Variants in CIMAP1D observed in about 807,000 individuals in gnomAD.
The protein encoded by CIMAP1D is protein CIMAP1D.
chr19:474,576 T>C, the CIMAP1D span: 1 of 1,441,672 alleles, frequency 6.9e-7, no homozygotes, highest in Non-Finnish European at 9.2e-7. Flanking sequence ...GTATGGGGAG[T>C]GGAGCAGGAA....
the CIMAP1D span, chr19:463,510 G>C: frequency 2.4e-4 from 91 of 387,062 alleles, no homozygotes; most frequent in African/African-American, 1.9e-3. Flanking sequence ...GGAGCTGGAC[G>C]CCGAGTTCTG....
chr19:479,529 C>T, the CIMAP1D span, among the ~76,000 whole-genome samples: 2 of 151,920 alleles, frequency 1.3e-5, no homozygotes, highest in African/African-American at 4.8e-5. Context: ...CTCAGCCTCT[C>T]GCGTAGCTGG....
chr19:486,136 C>A, the CIMAP1D span, among the ~76,000 whole-genome samples: 720 of 152,348 alleles, frequency 4.7e-3, 3 homozygotes, highest in Middle Eastern at 0.037. Flanking sequence ...CCAGCCCATG[C>A]CTGGCAAGTC....
the CIMAP1D span, among the ~76,000 whole-genome samples, chr19:473,316 T>C: frequency 0.024 from 223 of 9,484 alleles, 1 homozygote; most frequent in African/African-American, 0.043. Flanking sequence ...CAGAGATACA[T>C]GGTCACAGAT....
the CIMAP1D span, chr19:467,544 A>G: frequency 2.5e-6 from 2 of 815,704 alleles, no homozygotes; most frequent in African/African-American, 3.4e-5. Flanking sequence ...AAGACTCTGC[A>G]TTCTAAGAAC....
At chr19:488,381 G>T in the CIMAP1D span, among the ~76,000 whole-genome samples, 2 of 152,146 alleles carry the variant, frequency 1.3e-5, no homozygotes, top group African/African-American at 4.8e-5. Flanking sequence ...AATTAGCCGG[G>T]CGTGGTGGCA....
chr19:479,091 C>T, the CIMAP1D span, among the ~76,000 whole-genome samples: 1 of 152,182 alleles, frequency 6.6e-6, no homozygotes, highest in Middle Eastern at 3.2e-3. Flanking sequence ...CAGTATACCA[C>T]TGGGGGGCTA....
At chr19:467,659 G>C in the CIMAP1D span, 23 of 1,610,970 alleles carry the variant, frequency 1.4e-5, no homozygotes, top group African/African-American at 3.1e-4. Flanking sequence ...CCCGAGACTT[G>C]GCCCGGCCCT....
chr19:464,890 TGATGGATG>T, the CIMAP1D span, among the ~76,000 whole-genome samples: 30 of 148,306 alleles, frequency 2.0e-4, no homozygotes, highest in Admixed American at 1.0e-3. Flanking sequence ...GATGAGTGGA[TGATGGATG>T]GATGGATGGA....
chr19:467,097 G>T, the CIMAP1D span, among the ~76,000 whole-genome samples: 1 of 122,594 alleles, frequency 8.2e-6, no homozygotes, highest in African/African-American at 3.4e-5. Flanking sequence ...GGATGGACGG[G>T]TGGATAGATA....
chr19:471,198 G>C, the CIMAP1D span, among the ~76,000 whole-genome samples: 1 of 152,286 alleles, frequency 6.6e-6, no homozygotes, highest in South Asian at 2.1e-4. Context: ...GCCCAGGCTG[G>C]AGTGCAATGG....
the CIMAP1D span, among the ~76,000 whole-genome samples, chr19:471,982 G>C: frequency 1.3e-5 from 2 of 152,154 alleles, no homozygotes; most frequent in Non-Finnish European, 2.9e-5. Flanking sequence ...TCCTGACCTC[G>C]TGATCCGCCT....
the CIMAP1D span, chr19:489,867 C>A: frequency 2.6e-6 from 1 of 382,366 alleles, no homozygotes; most frequent in Non-Finnish European, 4.6e-6. Context: ...GGCCTGCAGG[C>A]GAGAACCCTC....
At chr19:490,033 G>A in the CIMAP1D span, 3 of 398,460 alleles carry the variant, frequency 7.5e-6, no homozygotes, top group Admixed American at 8.8e-5. Flanking sequence ...AAAAGAAATG[G>A]GTGGTAGTAA....
chr19:477,754 C>T, the CIMAP1D span, among the ~76,000 whole-genome samples: 6 of 152,208 alleles, frequency 3.9e-5, no homozygotes, highest in Non-Finnish European at 1.5e-5. Flanking sequence ...GCTCCGCCTC[C>T]CGGGTTCACG....
chr19:488,214 A>C, the CIMAP1D span, among the ~76,000 whole-genome samples: 7 of 150,960 alleles, frequency 4.6e-5, no homozygotes, highest in African/African-American at 1.5e-4. Flanking sequence ...CTGCTACACT[A>C]TCTCTACTAA....
At chr19:479,648 CT>C in the CIMAP1D span, among the ~76,000 whole-genome samples, 1 of 151,912 alleles carries the variant, frequency 6.6e-6, no homozygotes, top group Non-Finnish European at 1.5e-5. Flanking sequence ...CGTGATCCGC[CT>C]GCCTCGGCCT....
chr19:463,914 C>G, the CIMAP1D span: 1 of 1,611,568 alleles, frequency 6.2e-7, no homozygotes, highest in Non-Finnish European at 8.5e-7. Flanking sequence ...GGTGCTGGCC[C>G]GTTTCGAGTG....
At chr19:473,101 C>T in the CIMAP1D span, among the ~76,000 whole-genome samples, 11 of 112,748 alleles carry the variant, frequency 9.8e-5, no homozygotes, top group East Asian at 2.7e-4. Flanking sequence ...CAGAGATACA[C>T]GGTCACAGAT....
Sources: gnomAD v4.1 joint callset for allele counts (sites outside exome capture counted in the v4.1 genomes callset) on GRCh38, gnomAD v4.1.1 for gene constraint, MANE v1.5 for transcripts, NCBI Gene and HGNC (gene_info 2026-07-23, HGNC 2026-07-21) for gene names.